The following ZC3H12D variants were observed in gnomAD, a reference collection of about 807,000 sequenced individuals.
The protein encoded by ZC3H12D is probable ribonuclease ZC3H12D.
Under a neutral mutation model 24.2 loss-of-function variants are expected in ZC3H12D, and 11 were observed. The ratio of observed to expected loss-of-function variants is 0.46; its 90% CI spans 0.29 to 0.75. The LOEUF is 0.75. Among genes scored for constraint, ZC3H12D ranks in the 30% least tolerant of loss-of-function variants. The pLI is 0.11. For synonymous variants in ZC3H12D, 333 were observed against 341.8 expected, an observed-to-expected ratio of 0.97 and a Z score of 0.28; for missense variants, 740 against 767.7, an observed-to-expected ratio of 0.96 and a Z score of 0.43.
In ZC3H12D at chr6:149,451,173, G is replaced by A; in HGVS notation, c.1094C>T (p.Pro365Leu). 1 of 1,316,468 alleles carries A rather than the reference G, an allele frequency of 7.6e-7. No individual in the cohort carries two copies. The allele number at this position is 1,316,468 out of a possible 1,614,324, so 81.5% of individuals were successfully genotyped here. A position where few individuals can be genotyped will look rare whatever the true frequency, so the allele number is the denominator to read the frequency against. Residue 365 changes from proline to leucine, a missense_variant, in exon 6 of 6, where the codon CCC becomes CTC. Physicochemically the swap from Pro to Leu is moderately conservative, Grantham distance 98 (BLOSUM62 -3). Coordinates refer to ENST00000409806, the MANE Select transcript of ZC3H12D (RefSeq NM_207360.3). ...CAGTCGGGGCGTGAGGCTGCAGGCG[G>A]GGACCGGGAGAGGCGGCCCCAGGGG... ...LGPLGPPLPV[P>L]ACSLTPRLGG...
intron 1 of ZC3H12D, among the ~76,000 whole-genome samples, chr6:149,482,415 C>T (rs1776441505): frequency 6.6e-6 from 1 of 152,230 alleles, no homozygotes. Context: ...TTCCTCCGTC[C>T]TGACTGGAAG....
intron 2 of ZC3H12D, among the ~76,000 whole-genome samples, chr6:149,471,617 C>A (rs1254749851): frequency 2.0e-5 from 3 of 152,218 alleles, no homozygotes; most frequent in Non-Finnish European, 4.4e-5. Flanking sequence ...CATATATGTA[C>A]ACAGACATGC....
chr6:149,477,916 C>G (rs1776366236), intron 1 of ZC3H12D, among the ~76,000 whole-genome samples: 1 of 152,122 alleles, frequency 6.6e-6, no homozygotes, highest in Non-Finnish European at 1.5e-5. Context: ...TGCCTGTAAT[C>G]ACAGCACTTT....
chr6:149,455,406 G>T (rs140531309), intron 4 of ZC3H12D, among the ~76,000 whole-genome samples: 1 of 152,208 alleles, frequency 6.6e-6, no homozygotes, highest in Non-Finnish European at 1.5e-5. Flanking sequence ...CTAAAACCAC[G>T]TTCCAAAAAG....
chr6:149,480,854 G>A (rs964896911), intron 1 of ZC3H12D, among the ~76,000 whole-genome samples: 1 of 148,732 alleles, frequency 6.7e-6, no homozygotes, highest in African/African-American at 2.5e-5. Context: ...AAGGAGACTG[G>A]CTCTTCCAAG....
Position 149,452,952 on chromosome 6 carries a change from G to C in ZC3H12D, c.681-230C>G, listed in dbSNP as rs1454663805. ...GCCCTCTTTGGGTGTTTCTCCTGTT[G>C]TGGTTCAAGCCAGCAGTGTCAGAAT... is the stretch of plus-strand genomic sequence containing the variant. On this transcript the variant is annotated intron_variant, in intron 4 of 5. Transcript: ENST00000409806. This position sits in a 1 kb window ranked among gnomAD's most constrained non-coding sequence, Gnocchi z 4.0. 6.6e-6 allele frequency among the ~76,000 whole-genome samples: 1 copy of C among 152,110 alleles called. No homozygotes were observed. The highest frequency in any genetic ancestry group is 1.5e-5 in the Non-Finnish European group (1 of 68,028).
In ZC3H12D at chr6:149,451,304, GGCCGCCCGGGCTCCTGCGGA is replaced by G. The variant is rs1775890328; in HGVS notation, c.943_962del (p.Ser315ProfsTer72). The G allele has an allele frequency of 7.5e-7, 1 of 1,327,614 alleles. No individual in the cohort carries two copies. Among genetic ancestry groups the G allele is most frequent in the African/African-American group, 1.5e-5 (1 of 64,560 alleles). 82.2% of individuals were successfully genotyped at this position (1,327,614 alleles called of 1,614,324 possible). Reference sequence around the variant, plus strand: ...GGCTGTGCGCAAATGGTTCCCGGGGGGCCGCCCGGGCTCCTGCGGAGCCGCCCGGGGCTCTCGGTGGCCGC... The same window carrying G: ...GGCTGTGCGCAAATGGTTCCCGGGGGGCCGCCCGGGGCTCTCGGTGGCCGC... On this transcript the variant is annotated frameshift_variant, in exon 6 of 6. Coordinates refer to ENST00000409806, the MANE Select transcript of ZC3H12D (RefSeq NM_207360.3). LOFTEE classifies it low-confidence loss of function (END_TRUNC).
chr6:149,469,339 T>A (rs1215712530), intron 2 of ZC3H12D, among the ~76,000 whole-genome samples: 1 of 152,054 alleles, frequency 6.6e-6, no homozygotes, highest in East Asian at 1.9e-4. Flanking sequence ...GCACCTGTAG[T>A]CCCAGCTACT....
At position 149,450,416 on chromosome 6, in the gene ZC3H12D, C is replaced by T. The variant is rs1173336380; in HGVS notation, c.*267G>A. On this transcript the variant is annotated 3_prime_UTR_variant, in exon 6 of 6. Transcript: ENST00000409806. ...TTGTGGGTTCTACTGCAGCTTGGACCCGCAGTCTCCGTGCACATGGAAAAT... is the reference window on the plus strand; with the variant it reads ...TTGTGGGTTCTACTGCAGCTTGGACTCGCAGTCTCCGTGCACATGGAAAAT... 4 of 452,390 alleles carry T rather than the reference C, an allele frequency of 8.8e-6. No individual in the cohort carries two copies. Among genetic ancestry groups the T allele is most frequent in the East Asian group, 3.7e-5 (1 of 27,326 alleles). The allele number at this position is 452,390 out of a possible 1,614,324, so 28.0% of individuals were successfully genotyped here. A position where few individuals can be genotyped will look rare whatever the true frequency, so the allele number is the denominator to read the frequency against.
intron 1 of ZC3H12D, among the ~76,000 whole-genome samples, chr6:149,480,122 C>T (rs890836460): frequency 3.9e-5 from 6 of 152,168 alleles, no homozygotes; most frequent in African/African-American, 9.7e-5. Flanking sequence ...GACTCAACAC[C>T]GGCACTGTGC....
At chr6:149,470,506 G>A (rs1166028124) in intron 2 of ZC3H12D, among the ~76,000 whole-genome samples, 1 of 151,610 alleles carries the variant, frequency 6.6e-6, no homozygotes, top group Non-Finnish European at 1.5e-5. Context: ...ATGCACTCTA[G>A]CCTGGCAAAA....
rs1475131123 is a variant in ZC3H12D, at chr6:149,456,570, C to CA, written c.680+95dup. 9.0e-7 allele frequency: 1 copy of CA among 1,111,396 alleles called. No individual in the cohort carries two copies. Among genetic ancestry groups the CA allele is most frequent in the African/African-American group, 1.5e-5 (1 of 64,924 alleles). The allele number at this position is 1,111,396 out of a possible 1,614,324, so 68.8% of individuals were successfully genotyped here. A position where few individuals can be genotyped will look rare whatever the true frequency, so the allele number is the denominator to read the frequency against. ...GAGGGGCTGGGTGACCGGGTGACCC[C>CA]AAGCTCCTCCACCTGGTAGCAGGCG... On this transcript the variant is annotated intron_variant, in intron 4 of 5. Transcript: ENST00000409806. The surrounding 1 kb of genome is among the most constrained non-coding windows in gnomAD (Gnocchi z 4.3).
chr6:149,480,692 C>G (rs192350123), intron 1 of ZC3H12D, among the ~76,000 whole-genome samples: 12 of 152,146 alleles, frequency 7.9e-5, no homozygotes, highest in East Asian at 1.9e-4. Context: ...GCCAAGATCG[C>G]GCCATTGCAC....
At chr6:149,451,614 C>T (rs866680248) in intron 5 of ZC3H12D, 135 bp from the exon 6 acceptor site, 9 of 770,846 alleles carry the variant, frequency 1.2e-5, no homozygotes, top group South Asian at 2.1e-5. Flanking sequence ...CCCAGGCCGC[C>T]GCGGACTCCT....
intron 1 of ZC3H12D, among the ~76,000 whole-genome samples, chr6:149,480,844 A>G (rs1776414875): frequency 6.7e-6 from 1 of 148,740 alleles, no homozygotes; most frequent in African/African-American, 2.5e-5. Context: ...TGCACAGTGA[A>G]AGGAGACTGG....
intron 1 of ZC3H12D, among the ~76,000 whole-genome samples, chr6:149,480,799 A>G (rs1263962871): frequency 1.3e-5 from 2 of 152,058 alleles, no homozygotes; most frequent in Admixed American, 6.5e-5. Context: ...TTGGAGGGGC[A>G]GGGAAGGCCA....
At chr6:149,467,546 G>T (rs979423665) in intron 2 of ZC3H12D, among the ~76,000 whole-genome samples, 1 of 151,958 alleles carries the variant, frequency 6.6e-6, no homozygotes, top group Non-Finnish European at 1.5e-5. Flanking sequence ...GAGCCACTGC[G>T]CCTGGCCTTG....
intron 1 of ZC3H12D, among the ~76,000 whole-genome samples, chr6:149,481,564 G>A (rs937861275): frequency 4.0e-5 from 6 of 151,680 alleles, no homozygotes; most frequent in East Asian, 1.9e-4. Context: ...TAGTAGAGAC[G>A]GGGTTTCACT....
At chr6:149,462,084 A>G (rs1404408288) in intron 2 of ZC3H12D, 114 bp from the exon 3 acceptor site, 21 of 1,366,112 alleles carry the variant, frequency 1.5e-5, no homozygotes, top group Non-Finnish European at 2.0e-5. Flanking sequence ...AGGAAAATCT[A>G]TGTTTTAGGC....
Sources: gnomAD v4.1 joint callset for allele counts (sites outside exome capture counted in the v4.1 genomes callset) on GRCh38, gnomAD v4.1.1 for gene constraint, Gnocchi (gnomAD v3.1) non-coding constraint, MANE v1.5 for transcripts, NCBI Gene and HGNC (gene_info 2026-07-23, HGNC 2026-07-21) for gene names.